Variants in TPST1 observed in about 807,000 individuals in gnomAD.
The protein encoded by TPST1 is protein-tyrosine sulfotransferase 1.
Under a neutral mutation model 34.8 loss-of-function variants are expected in TPST1, and 20 were observed. The ratio of observed to expected loss-of-function variants is 0.57; its 90% confidence interval spans 0.40 to 0.84. The LOEUF is 0.84. Among genes scored for constraint, TPST1 ranks in the 40% least tolerant of loss-of-function variants. The pLI is 0.00. For synonymous variants in TPST1, 152 were observed against 159.4 expected, an observed-to-expected ratio of 0.95 and a Z score of 0.35; for missense variants, 353 against 455.5, an observed-to-expected ratio of 0.78 and a Z score of 2.05.
chr7:66,253,218 G>A (rs1054891351), intron 2 of TPST1, among the ~76,000 whole-genome samples: 9 of 152,140 alleles, frequency 5.9e-5, no homozygotes, highest in Admixed American at 5.9e-4. Context: ...TGTAAATACT[G>A]TGCCATTTTA....
chr7:66,215,613 A>C (rs1416526750), intron 1 of TPST1, among the ~76,000 whole-genome samples: 1 of 151,388 alleles, frequency 6.6e-6, no homozygotes, highest in Admixed American at 6.6e-5. Context: ...TGACCTCGTG[A>C]TCCGCCCGCG....
chr7:66,282,813 T>C (rs147159220), intron 2 of TPST1, among the ~76,000 whole-genome samples: 235 of 152,298 alleles, frequency 1.5e-3, no homozygotes, highest in African/African-American at 5.4e-3. Flanking sequence ...CTTGTTCTCA[T>C]TTTCTATTTT....
At chr7:66,357,609 C>A (rs1183366936) in intron 5 of TPST1, among the ~76,000 whole-genome samples, 1 of 152,160 alleles carries the variant, frequency 6.6e-6, no homozygotes, top group Non-Finnish European at 1.5e-5. Flanking sequence ...TCCAGGGACA[C>A]CAGCTCATGA....
intron 3 of TPST1, among the ~76,000 whole-genome samples, chr7:66,340,477 T>C (rs1411911766): frequency 6.6e-6 from 1 of 152,186 alleles, no homozygotes; most frequent in Admixed American, 6.5e-5. Context: ...AACATGATCC[T>C]GTATTTAGAA....
intron 3 of TPST1, among the ~76,000 whole-genome samples, chr7:66,300,366 CCA>C (rs536118154): frequency 7.9e-4 from 121 of 152,294 alleles, no homozygotes; most frequent in African/African-American, 2.9e-3. Flanking sequence ...AGCAATTCAA[CCA>C]CATCTTCAGG....
At position 66,322,755 on chromosome 7, in the gene TPST1, T is replaced by A. The variant is rs1046339525; in HGVS notation, c.1045-29750T>A. ...TTTTGTGTATACTCAGAAGTGGAAT[T>A]GCTGAATTATATGGGAGTTCTATTT... is the stretch of plus-strand genomic sequence containing the variant. On this transcript the variant is annotated intron_variant, in intron 3 of 5. Transcript: ENST00000304842. 3.7e-4 allele frequency among the ~76,000 whole-genome samples: 57 copies of A among 152,204 alleles called. 1 individual carries two copies. The highest frequency in any genetic ancestry group is 1.3e-4 in the Non-Finnish European group (9 of 68,032).
intron 2 of TPST1, among the ~76,000 whole-genome samples, chr7:66,246,474 AGT>A (rs1455147319): frequency 2.0e-5 from 3 of 152,210 alleles, no homozygotes; most frequent in African/African-American, 7.2e-5. Context: ...TGCATTTCAA[AGT>A]GTGTCAGGGA....
intron 2 of TPST1, among the ~76,000 whole-genome samples, chr7:66,260,241 G>A (rs1422527092): frequency 6.6e-6 from 1 of 152,154 alleles, no homozygotes; most frequent in African/African-American, 2.4e-5. Context: ...GTCTAAATAT[G>A]AAATTCATTT....
chr7:66,358,124 T>C (rs941792350), intron 5 of TPST1, among the ~76,000 whole-genome samples: 23 of 152,032 alleles, frequency 1.5e-4, no homozygotes, highest in African/African-American at 5.3e-4. Flanking sequence ...TGGGCACTTA[T>C]AGTCCCAGCT....
At chr7:66,299,286 C>T (rs1257593479) in intron 3 of TPST1, among the ~76,000 whole-genome samples, 2 of 134,216 alleles carry the variant, frequency 1.5e-5, no homozygotes, top group African/African-American at 2.9e-5. Context: ...ATGTTGACTA[C>T]TAATGCTCTT....
At chr7:66,306,182 G>C (rs1584225165) in intron 3 of TPST1, among the ~76,000 whole-genome samples, 2 of 152,156 alleles carry the variant, frequency 1.3e-5, no homozygotes, top group African/African-American at 4.8e-5. Context: ...CTGTTATCTT[G>C]TATAGACTCT....
chr7:66,336,053 G>A (rs919223462), intron 3 of TPST1, among the ~76,000 whole-genome samples: 2 of 152,238 alleles, frequency 1.3e-5, no homozygotes, highest in Non-Finnish European at 2.9e-5. Flanking sequence ...GCTTACGCCT[G>A]TAATCCCAGC....
intron 1 of TPST1, among the ~76,000 whole-genome samples, chr7:66,214,644 C>T (rs1789350096): frequency 1.3e-5 from 2 of 150,318 alleles, no homozygotes; most frequent in South Asian, 2.1e-4. Context: ...GATGAAAGCC[C>T]GTCTCTATAA....
intron 3 of TPST1, among the ~76,000 whole-genome samples, chr7:66,310,953 A>G (rs1230607700): frequency 6.6e-6 from 1 of 151,832 alleles, no homozygotes; most frequent in Non-Finnish European, 1.5e-5. Flanking sequence ...GGCCTCCCAA[A>G]GTTCTGGGAT....
Position 66,332,370 on chromosome 7 carries a change from C to A in TPST1, c.1045-20135C>A, listed in dbSNP as rs370734760. Reference sequence around the variant, plus strand: ...GCAACGTCCGTCTCCTGAGTTCAAGCGATTCTCCTGCCTCAGCCTCCCGAG... The same window carrying A: ...GCAACGTCCGTCTCCTGAGTTCAAGAGATTCTCCTGCCTCAGCCTCCCGAG... On this transcript the variant is annotated intron_variant, in intron 3 of 5. Coordinates refer to ENST00000304842, the MANE Select transcript of TPST1 (RefSeq NM_003596.4). This position sits in a 1 kb window ranked among gnomAD's most constrained non-coding sequence, Gnocchi z 4.5. Among the ~76,000 whole-genome samples, 3 of 151,730 alleles carry A rather than the reference C, an allele frequency of 2.0e-5. No individual in the cohort carries two copies. Among genetic ancestry groups the A allele is most frequent in the Non-Finnish European group, 4.4e-5 (3 of 67,996 alleles).
At chr7:66,265,790 G>A (rs139097856) in intron 2 of TPST1, among the ~76,000 whole-genome samples, 1 of 152,268 alleles carries the variant, frequency 6.6e-6, no homozygotes, top group East Asian at 1.9e-4. Flanking sequence ...TCAGTAAGAT[G>A]AACAGCAGAC....
chr7:66,324,739 T>C (rs1791824437), intron 3 of TPST1, among the ~76,000 whole-genome samples: 1 of 144,874 alleles, frequency 6.9e-6, no homozygotes, highest in Non-Finnish European at 1.5e-5. Context: ...GCAGAGGTTT[T>C]GCAGTGATCC....
chr7:66,274,869 C>T (rs775108666), intron 2 of TPST1, among the ~76,000 whole-genome samples: 1 of 152,114 alleles, frequency 6.6e-6, no homozygotes, highest in African/African-American at 2.4e-5. Flanking sequence ...ATTAAAACTA[C>T]AGTGTACCTC....
At chr7:66,355,612 G>A (rs1792566532) in intron 4 of TPST1, among the ~76,000 whole-genome samples, 1 of 150,140 alleles carries the variant, frequency 6.7e-6, no homozygotes, top group African/African-American at 2.5e-5. Flanking sequence ...AAAATTAGCT[G>A]GGCAGGGCCA....
Sources: allele counts gnomAD v4.1 joint callset (sites outside exome capture counted in the v4.1 genomes callset), GRCh38; gene constraint gnomAD v4.1.1; non-coding constraint Gnocchi (gnomAD v3.1); transcripts MANE v1.5; gene names NCBI Gene and HGNC (gene_info 2026-07-23, HGNC 2026-07-21).